The following ANO5 variants were observed in gnomAD, a reference collection of about 807,000 sequenced individuals.
The protein encoded by ANO5 is anoctamin 5, also known as anoctamin-5.
A neutral mutation model predicts 121.0 loss-of-function variants in ANO5; 109 were observed. That is an observed-to-expected ratio of 0.90 (90% CI 0.77 to 1.06). ANO5 has a LOEUF of 1.06. ANO5 is among the 50% of genes least tolerant of loss of function. The pLI is 0.00. For missense variants in ANO5, 1,064 were observed against 1,078.5 expected (o/e 0.99, Z 0.19); for synonymous variants, 406 against 359.9 (o/e 1.13, Z -1.45).
intron 3 of ANO5, among the ~76,000 whole-genome samples, chr11:22,215,040 C>T (rs1852395631): frequency 6.6e-6 from 1 of 151,882 alleles, no homozygotes; most frequent in Non-Finnish European, 1.5e-5. Context: ...AAGATGGAAA[C>T]TATTATGCTT....
chr11:22,274,720 C>T lies in ANO5; in HGVS notation c.2387C>T (p.Ser796Leu), dbSNP rs61910685. The part of the protein sequence containing the change: ...IADFPNHTAP[S>L]EKRDFITCRY... The stretch of plus-strand genomic sequence containing the variant: ...GATTTTCCAAACCACACTGCACCTT[C>T]GGAAAAACGAGACTTCATCACTTGC... Residue 796 changes from serine (S) to leucine (L), a missense_variant, in exon 20 of 22, where the codon TCG becomes TTG. Physicochemically the swap from Ser to Leu is moderately radical, Grantham distance 145. Transcript: ENST00000324559. 0.01 allele frequency: 16,708 copies of T among 1,613,342 alleles called. 131 individuals are homozygous for T. The highest frequency in any genetic ancestry group is 0.012 in the Non-Finnish European group (13,758 of 1,179,522).
chr11:22,210,042 G>C (rs1852230523), intron 2 of ANO5, among the ~76,000 whole-genome samples: 1 of 151,866 alleles, frequency 6.6e-6, no homozygotes, highest in Non-Finnish European at 1.5e-5. Flanking sequence ...CACTTCATTT[G>C]CTATCTGTTG....
intron 7 of ANO5, among the ~76,000 whole-genome samples, chr11:22,234,667 A>G (rs1564927707): frequency 6.6e-6 from 1 of 152,178 alleles, no homozygotes; most frequent in Non-Finnish European, 1.5e-5. Flanking sequence ...AGGTGGGGCA[A>G]GTCACTTTGC....
Position 22,279,791 on chromosome 11 carries a change from G to T in ANO5, c.*26G>T, listed in dbSNP as rs756773558. On this transcript the variant is annotated 3_prime_UTR_variant, in exon 22 of 22. Coordinates refer to ENST00000324559, the MANE Select transcript of ANO5 (RefSeq NM_213599.3). ...TCAGTATAGTGAGGAAGCAGCAGGT[G>T]ATCTGCCTTACTTCACTTTATCCTC... is the stretch of plus-strand genomic sequence containing the variant. The T allele has an allele frequency of 3.8e-6, 6 of 1,582,972 alleles. No individual in the cohort carries two copies. Among genetic ancestry groups the T allele is most frequent in the South Asian group, 1.1e-5 (1 of 90,222 alleles).
chr11:22,225,780 C>G (rs529159029), intron 5 of ANO5, among the ~76,000 whole-genome samples: 15 of 152,048 alleles, frequency 9.9e-5, no homozygotes, highest in African/African-American at 3.6e-4. Flanking sequence ...GTGATTATTC[C>G]TGGATATACT....
intron 5 of ANO5, among the ~76,000 whole-genome samples, chr11:22,224,084 T>C (rs1481016736): frequency 1.3e-5 from 2 of 151,980 alleles, no homozygotes; most frequent in African/African-American, 4.8e-5. Flanking sequence ...CACATTATCT[T>C]AGTTTTTTTC....
At chr11:22,265,334 CT>C (rs1170122640) in intron 17 of ANO5, among the ~76,000 whole-genome samples, 1 of 152,074 alleles carries the variant, frequency 6.6e-6, no homozygotes, top group African/African-American at 2.4e-5. Context: ...TAGTGTTCCC[CT>C]TTCATTTCTA....
chr11:22,259,755 A>G lies in ANO5; in HGVS notation c.1630+14A>G. ...TCACAAAAATGGGTAAGCTGGCCAA[A>G]TCATTTGTGTGATTCTGAAGAATGA... On this transcript the variant is annotated intron_variant, in intron 15 of 21. Coordinates refer to ENST00000324559, the MANE Select transcript of ANO5 (RefSeq NM_213599.3). 6.3e-7 allele frequency: 1 copy of G among 1,587,720 alleles called. No individual in the cohort carries two copies. The highest frequency in any genetic ancestry group is 8.6e-7 in the Non-Finnish European group (1 of 1,156,680).
At chr11:22,246,856 C>CAAAAAAAAAAAA (rs10565920) in intron 9 of ANO5, among the ~76,000 whole-genome samples, 3 of 62,208 alleles carry the variant, frequency 4.8e-5, no homozygotes, top group Non-Finnish European at 1.0e-4. Flanking sequence ...GACCCTGTTT[C>CAAAAAAAAAAAA]AAAAAAAAAA....
chr11:22,272,008 T>A (rs186326630), intron 18 of ANO5, among the ~76,000 whole-genome samples: 5 of 152,286 alleles, frequency 3.3e-5, no homozygotes, highest in Admixed American at 2.6e-4. Context: ...AATGGAGGAA[T>A]AACGGAAATT....
At chr11:22,256,354 C>T (rs868272169) in intron 13 of ANO5, among the ~76,000 whole-genome samples, 1 of 152,108 alleles carries the variant, frequency 6.6e-6, no homozygotes. Context: ...AAATTATTCT[C>T]GCAGTATAAC....
rs10525160 is a variant in ANO5 at position 22,252,029 on chromosome 11, C to CAAAAAAAAA, written c.1180+1040_1180+1048dup. 3.3e-4 allele frequency among the ~76,000 whole-genome samples: 15 copies of CAAAAAAAAA among 45,858 alleles called. 1 individual carries two copies. Among genetic ancestry groups the CAAAAAAAAA allele is most frequent in the African/African-American group, 1.0e-3 (15 of 14,924 alleles). 30.1% of individuals were successfully genotyped at this position (45,858 alleles called of 152,430 possible). A position where few individuals can be genotyped will look rare whatever the true frequency, so the allele number is the denominator to read the frequency against. On this transcript the variant is annotated intron_variant, in intron 12 of 21. Transcript: ENST00000324559. ...TGAGAGACAGAGCAAGACGCCGTCT[C>CAAAAAAAAA]AAAAAAAAAAAAAAAAAAAAAAAAA...
intron 8 of ANO5, 112 bp downstream of exon 8, chr11:22,236,388 G>A: frequency 1.2e-6 from 1 of 869,020 alleles, no homozygotes; most frequent in Non-Finnish European, 1.9e-6. Flanking sequence ...CTCATGGTGG[G>A]AAAATCCCCA....
At chr11:22,254,565 G>A (rs1320998285) in intron 12 of ANO5, among the ~76,000 whole-genome samples, 4 of 150,986 alleles carry the variant, frequency 2.6e-5, no homozygotes, top group Admixed American at 6.6e-5. Context: ...ATGAATTTTC[G>A]CTGTACACAG....
chr11:22,216,380 ATT>A lies in ANO5; in HGVS notation c.139-1864_139-1863del, dbSNP rs878960270. Among the ~76,000 whole-genome samples, 7 of 151,940 alleles carry A rather than the reference ATT, an allele frequency of 4.6e-5. No individual in the cohort carries two copies. The South Asian group carries it at 1.5e-3, about 31-fold the overall frequency. ...TGATATTGATATTGATAGCTTTTTAATTTCAGTAATTCTAGTGGATAGGTAGT... is the reference window on the plus strand; with the variant it reads ...TGATATTGATATTGATAGCTTTTTAATCAGTAATTCTAGTGGATAGGTAGT... On this transcript the variant is annotated intron_variant, in intron 3 of 21. Coordinates refer to ENST00000324559, the MANE Select transcript of ANO5 (RefSeq NM_213599.3).
intron 1 of ANO5, among the ~76,000 whole-genome samples, chr11:22,198,507 G>A (rs972558894): frequency 2.0e-4 from 31 of 152,214 alleles, no homozygotes; most frequent in African/African-American, 6.7e-4. Flanking sequence ...TCAAATAAAT[G>A]CATCGCATCA....
At chr11:22,214,995 A>G (rs1383059589) in intron 3 of ANO5, among the ~76,000 whole-genome samples, 1 of 152,062 alleles carries the variant, frequency 6.6e-6, no homozygotes, top group Admixed American at 6.6e-5. Flanking sequence ...TTGTCAGTAT[A>G]GAAATGTCAC....
At chr11:22,241,142 T>C (rs1853416564) in intron 9 of ANO5, among the ~76,000 whole-genome samples, 1 of 151,648 alleles carries the variant, frequency 6.6e-6, no homozygotes. Context: ...GTGAGCATAG[T>C]AACAAATAGG....
chr11:22,274,736 C>T lies in ANO5; in HGVS notation c.2403C>T (p.Phe801=). 1 of 1,613,250 alleles carries T rather than the reference C, an allele frequency of 6.2e-7. No homozygotes were observed. The highest frequency in any genetic ancestry group is 1.7e-4 in the Middle Eastern group (1 of 6,060). ...CTGCACCTTCGGAAAAACGAGACTT[C>T]ATCACTTGCAGGTGATTTGTTTGTT... is the stretch of plus-strand genomic sequence containing the variant. ...NHTAPSEKRD[F]ITCRYRDYRY... is the part of the protein sequence containing the mutation. The change falls in exon 20 of 22, where the codon TTC becomes TTT. Residue 801 remains phenylalanine (F), a synonymous_variant. Coordinates refer to ENST00000324559, the MANE Select transcript of ANO5 (RefSeq NM_213599.3).
Sources: gnomAD v4.1 joint callset for allele counts (sites outside exome capture counted in the v4.1 genomes callset) on GRCh38, gnomAD v4.1.1 for gene constraint, MANE v1.5 for transcripts, NCBI Gene and HGNC (gene_info 2026-07-23, HGNC 2026-07-21) for gene names.